Variants in RSRC1 observed in about 807,000 individuals in gnomAD.
The protein encoded by RSRC1 is serine/Arginine-related protein 53.
In RSRC1, 39 loss-of-function variants were observed where a neutral mutation model predicts 49.1. The ratio of observed to expected loss-of-function variants is 0.79; its 90% CI spans 0.61 to 1.04. The LOEUF is 1.04. Among genes scored for constraint, RSRC1 ranks in the 50% least tolerant of loss-of-function variants. The pLI is 0.00. For synonymous variants in RSRC1, 143 were observed against 130.8 expected (o/e 1.09, Z -0.63); for missense variants, 388 against 402.4 (o/e 0.96, Z 0.31).
At chr3:158,381,270 A>ACTGTG (rs1044900169) in intron 6 of RSRC1, among the ~76,000 whole-genome samples, 33 of 152,318 alleles carry the variant, frequency 2.2e-4, no homozygotes, top group African/African-American at 7.5e-4. Context: ...TGTTATACAT[A>ACTGTG]CTGTACTACT....
At chr3:158,379,261 C>T (rs1732559624) in intron 6 of RSRC1, among the ~76,000 whole-genome samples, 1 of 136,046 alleles carries the variant, frequency 7.4e-6, no homozygotes, top group South Asian at 2.4e-4. Context: ...AGTGCAGTGG[C>T]GCGATCTCAG....
intron 3 of RSRC1, among the ~76,000 whole-genome samples, chr3:158,188,911 A>G (rs1332998203): frequency 2.6e-5 from 4 of 151,040 alleles, no homozygotes; most frequent in Non-Finnish European, 4.4e-5. Context: ...TGCTTAGATC[A>G]TTTATTTTTA....
chr3:158,290,695 A>G (rs1726886654), intron 4 of RSRC1, among the ~76,000 whole-genome samples: 1 of 152,250 alleles, frequency 6.6e-6, no homozygotes, highest in Non-Finnish European at 1.5e-5. Context: ...TGGAAAATGT[A>G]GATATGTAAT....
Position 158,328,459 on chromosome 3 carries a change from T to C in RSRC1, c.532-26398T>C, listed in dbSNP as rs1328181409. 2.0e-5 allele frequency among the ~76,000 whole-genome samples: 3 copies of C among 152,280 alleles called. No homozygotes were observed. The East Asian group carries it at 5.8e-4, about 29-fold the overall frequency. ...ACAAAAATCTCTCAGCATTTGCTTG[T>C]CTGTAGAGGATTGTATTTCTCCTTC... is the stretch of plus-strand genomic sequence containing the variant. On this transcript the variant is annotated intron_variant, in intron 5 of 9. Coordinates refer to ENST00000611884, the MANE Select transcript of RSRC1 (RefSeq NM_001271838.2).
chr3:158,239,110 A>G (rs1210459100), intron 4 of RSRC1, among the ~76,000 whole-genome samples: 1 of 152,232 alleles, frequency 6.6e-6, no homozygotes, highest in Non-Finnish European at 1.5e-5. Flanking sequence ...ACATGAAAAA[A>G]TGCTCATCAT....
In RSRC1 at chr3:158,257,729, CCTGT is replaced by C. The variant is rs1427147183; in HGVS notation, c.495-40307_495-40304del. Among the ~76,000 whole-genome samples, 8 of 152,064 alleles carry C rather than the reference CCTGT, an allele frequency of 5.3e-5. No individual in the cohort carries two copies. The East Asian group carries it at 1.4e-3, about 26-fold the overall frequency. On this transcript the variant is annotated intron_variant, in intron 4 of 9. Coordinates refer to ENST00000611884, the MANE Select transcript of RSRC1 (RefSeq NM_001271838.2). ...TCCTCTCTTCCATCTTTTCTTCTTT[CCTGT>C]CTTTCTTTTAGCAAAGATGATTTTC...
intron 7 of RSRC1, among the ~76,000 whole-genome samples, chr3:158,483,683 G>T (rs959677318): frequency 2.6e-5 from 4 of 152,018 alleles, no homozygotes; most frequent in African/African-American, 9.7e-5. Flanking sequence ...GGAAATAAAT[G>T]TAATCTTTAA....
intron 4 of RSRC1, among the ~76,000 whole-genome samples, chr3:158,260,512 G>T (rs535382523): frequency 6.6e-6 from 1 of 152,216 alleles, no homozygotes; most frequent in African/African-American, 2.4e-5. Context: ...AGCTGCACCT[G>T]TTCTGCCTGG....
At chr3:158,307,128 A>G (rs1727879892) in intron 5 of RSRC1, among the ~76,000 whole-genome samples, 1 of 151,568 alleles carries the variant, frequency 6.6e-6, no homozygotes, top group African/African-American at 2.4e-5. Flanking sequence ...TGGATAGGTA[A>G]CAGGTTTGTT....
chr3:158,281,176 GA>G (rs559618229), intron 4 of RSRC1, among the ~76,000 whole-genome samples: 6 of 152,190 alleles, frequency 3.9e-5, no homozygotes, highest in African/African-American at 1.4e-4. Context: ...TTTGTAGGGG[GA>G]AAAAGAAGAA....
At chr3:158,183,492 A>G (rs749866620) in intron 3 of RSRC1, among the ~76,000 whole-genome samples, 2 of 152,182 alleles carry the variant, frequency 1.3e-5, no homozygotes, top group African/African-American at 2.4e-5. Context: ...TTTTTTGCTT[A>G]AAAAGTAAAA....
At chr3:158,136,177 T>G (rs1407487892) in intron 3 of RSRC1, among the ~76,000 whole-genome samples, 1 of 152,230 alleles carries the variant, frequency 6.6e-6, no homozygotes, top group Non-Finnish European at 1.5e-5. Context: ...AGCCTGAGTC[T>G]CAGTATCTTC....
chr3:158,304,932 T>C (rs892363911), intron 5 of RSRC1, among the ~76,000 whole-genome samples: 2 of 152,164 alleles, frequency 1.3e-5, no homozygotes, highest in African/African-American at 2.4e-5. Flanking sequence ...AAAATGTTAA[T>C]GTCATGTTAA....
At chr3:158,451,202 AGTT>A (rs1414832834) in intron 6 of RSRC1, among the ~76,000 whole-genome samples, 5 of 151,918 alleles carry the variant, frequency 3.3e-5, no homozygotes, top group Admixed American at 1.3e-4. Context: ...GATAACTAAA[AGTT>A]GTTTTCTCCA....
intron 7 of RSRC1, among the ~76,000 whole-genome samples, chr3:158,533,880 G>A (rs1007844452): frequency 6.6e-6 from 1 of 151,444 alleles, no homozygotes. Flanking sequence ...TACTTGTATG[G>A]GATGTGTTAA....
intron 6 of RSRC1, among the ~76,000 whole-genome samples, chr3:158,438,769 C>T (rs1736194985): frequency 6.6e-6 from 1 of 152,160 alleles, no homozygotes; most frequent in Non-Finnish European, 1.5e-5. Context: ...GCAAGGACTT[C>T]ATGTCTAAAA....
intron 9 of RSRC1, chr3:158,543,701 G>T (rs1487961143): frequency 4.6e-6 from 2 of 430,538 alleles, no homozygotes; most frequent in East Asian, 3.8e-5. Context: ...ACCTGTAGAA[G>T]TATTCTGTCT....
At chr3:158,112,248 A>G (rs1184693742) in intron 1 of RSRC1, among the ~76,000 whole-genome samples, 1 of 152,202 alleles carries the variant, frequency 6.6e-6, no homozygotes, top group East Asian at 1.9e-4. Flanking sequence ...CTTTCCATTC[A>G]TTGCACCTTA....
intron 5 of RSRC1, among the ~76,000 whole-genome samples, chr3:158,332,820 T>C (rs755031967): frequency 6.6e-6 from 1 of 152,256 alleles, no homozygotes; most frequent in Non-Finnish European, 1.5e-5. Context: ...TTTACATAGT[T>C]TTGTAGTTTT....
Sources: gnomAD v4.1 joint callset for allele counts (sites outside exome capture counted in the v4.1 genomes callset) on GRCh38, gnomAD v4.1.1 for gene constraint, MANE v1.5 for transcripts, NCBI Gene and HGNC (gene_info 2026-07-23, HGNC 2026-07-21) for gene names.